Variants in MAP2K7 observed in about 807,000 individuals in gnomAD.
MAP2K7 encodes the protein mitogen-activated protein kinase kinase 7, also known as dual specificity mitogen-activated protein kinase kinase 7.
A neutral mutation model predicts 47.7 loss-of-function variants in MAP2K7; 12 were observed. That is an observed-to-expected ratio of 0.25 (90% CI 0.16 to 0.41). The LOEUF (loss-of-function observed/expected upper bound fraction) is 0.41. MAP2K7 is among the 10% of genes least tolerant of loss of function. MAP2K7 has a pLI of 1.00. For missense variants in MAP2K7, 415 were observed against 600.3 expected, an observed-to-expected ratio of 0.69 and a Z score of 3.23; for synonymous variants, 299 against 243.0, an observed-to-expected ratio of 1.23 and a Z score of -2.14.
chr19:7,907,750 G>A (rs574952250), intron 1 of MAP2K7, among the ~76,000 whole-genome samples: 10 of 152,302 alleles, frequency 6.6e-5, no homozygotes, highest in African/African-American at 1.4e-4. Context: ...AGGACTCCTC[G>A]AGGGCTGTGG....
intron 1 of MAP2K7, among the ~76,000 whole-genome samples, chr19:7,905,462 A>T (rs1982385198): frequency 6.6e-6 from 1 of 152,070 alleles, no homozygotes; most frequent in Non-Finnish European, 1.5e-5. Flanking sequence ...CAGCCAAGAC[A>T]CGGGTCCCTG....
rs1982796590 is a variant in MAP2K7, at chr19:7,910,859, A to G, written c.675+56A>G. 3 of 1,570,038 alleles carry G rather than the reference A, an allele frequency of 1.9e-6. No homozygotes were observed. In the South Asian group the frequency reaches 3.5e-5, roughly 18 times the overall value. On this transcript the variant is annotated intron_variant, in intron 6 of 10. Transcript: ENST00000397979. ...AGGATGACAGAGGCGGTGAGTGACC[A>G]GGCGGGGCGTGCACTGGGCAAGATG... is the stretch of plus-strand genomic sequence containing the variant.
intron 1 of MAP2K7, chr19:7,905,821 T>G: frequency 6.2e-7 from 1 of 1,607,658 alleles, no homozygotes. Context: ...TTGTGATCAC[T>G]CTAAGCCCTG....
chr19:7,905,684 C>G, intron 1 of MAP2K7: 1 of 819,724 alleles, frequency 1.2e-6, no homozygotes, highest in Non-Finnish European at 2.1e-6. Flanking sequence ...TCCTAGCCAT[C>G]TCTGCAGTTC....
rs781078280 is a variant in MAP2K7, at chr19:7,910,185, C to T, written c.333+56C>T. 7.5e-6 allele frequency: 12 copies of T among 1,596,096 alleles called. No homozygotes were observed. The South Asian group carries it at 1.2e-4, about 16-fold the overall frequency. On this transcript the variant is annotated intron_variant, in intron 3 of 10. Coordinates refer to ENST00000397979, the MANE Select transcript of MAP2K7 (RefSeq NM_145185.4). ...GGAGGCCCAGCCAGGCTGGACCCAT[C>T]CTGGGAGCGCCAGTGGGGGGCAGGG...
In MAP2K7 at chr19:7,912,159, G is replaced by A; in HGVS notation, c.1090G>A (p.Asp364Asn). ...QSFVKDCLTK[D>N]HRKRPKYNKL... ...CTTCTCTTGCTCTAGCCTTACTAAA[G>A]ATCACAGGAAGAGACCAAAGTATAA... Residue 364 changes from aspartate (D) to asparagine (N), a missense_variant, in exon 10 of 11, where the codon GAT becomes AAT. This residue lies in a region of MAP2K7 where 94 missense variants were observed against 105.2 expected (regional missense o/e 0.89). Transcript: ENST00000397979. 1 of 1,614,000 alleles carries A rather than the reference G, an allele frequency of 6.2e-7. No individual in the cohort carries two copies. The highest frequency in any genetic ancestry group is 8.5e-7 in the Non-Finnish European group (1 of 1,179,930).
chr19:7,904,101 G>A, intron 1 of MAP2K7, 33 bp downstream of exon 1: 6 of 1,201,212 alleles, frequency 5.0e-6, no homozygotes, highest in South Asian at 3.4e-5. Flanking sequence ...GGGGGCGGGC[G>A]GGCGGGGCGG....
At position 7,910,983 on chromosome 19, in the gene MAP2K7, G is replaced by A. The variant is rs1421560106; in HGVS notation, c.679G>A (p.Val227Met). 1 of 1,607,726 alleles carries A rather than the reference G, an allele frequency of 6.2e-7. No individual in the cohort carries two copies. Among genetic ancestry groups the A allele is most frequent in the Non-Finnish European group, 8.5e-7 (1 of 1,175,770 alleles). Residue 227 changes from valine to methionine, a missense_variant, in exon 7 of 11, where the codon GTG (valine) becomes ATG (methionine). Physicochemically the swap from Val to Met is conservative, Grantham distance 21 (BLOSUM62 1). Transcript: ENST00000397979. ...ACCCCCCTCTGCGTGCCTGCAGATT[G>A]TGAAGGCGCTGTACTACCTGAAGGA... The part of the protein sequence containing the change: ...RILGKMTVAI[V>M]KALYYLKEKH...
At chr19:7,911,612 C>A in intron 9 of MAP2K7, 34 bp downstream of exon 9, 1 of 1,549,662 alleles carries the variant, frequency 6.5e-7, no homozygotes, top group Non-Finnish European at 8.7e-7. Context: ...AGGTCAGGGA[C>A]AGCCCGCTGC....
chr19:7,908,348 G>A (rs1452146391), intron 1 of MAP2K7, among the ~76,000 whole-genome samples: 2 of 152,134 alleles, frequency 1.3e-5, no homozygotes, highest in Non-Finnish European at 2.9e-5. Flanking sequence ...GAGCTAGGGG[G>A]CACAGCTCCT....
At chr19:7,911,391 G>A (rs770754502) in intron 8 of MAP2K7, 45 bp from the exon 9 acceptor site, 11 of 1,613,404 alleles carry the variant, frequency 6.8e-6, no homozygotes, top group Non-Finnish European at 9.3e-6. Context: ...GGACTCGGAG[G>A]GAGGAGAACA....
rs759094469 is a variant in MAP2K7 at position 7,903,925 on chromosome 19, C to CGGCGGT, written c.-14_-9dup. ...TGACGGGCGGCCGGGCGGTGCGCGG[C>CGGCGGT]GGCGGTGGCGGCGGGGAAGATGGCG... On this transcript the variant is annotated 5_prime_UTR_variant, in exon 1 of 11. Coordinates refer to ENST00000397979, the MANE Select transcript of MAP2K7 (RefSeq NM_145185.4). The CGGCGGT allele has an allele frequency of 9.8e-5, 147 of 1,500,890 alleles. No individual in the cohort carries two copies. In the African/African-American group the frequency reaches 1.8e-3, roughly 18 times the overall value. 93.0% of individuals were successfully genotyped at this position (1,500,890 alleles called of 1,614,324 possible).
Position 7,910,982 on chromosome 19 carries a change from T to G in MAP2K7, c.678T>G (p.Ile226Met). 1 of 1,606,320 alleles carries G rather than the reference T, an allele frequency of 6.2e-7. No individual in the cohort carries two copies. The highest frequency in any genetic ancestry group is 8.5e-7 in the Non-Finnish European group (1 of 1,174,650). The change falls in exon 7 of 11, where the codon ATT becomes ATG. Residue 226 changes from isoleucine to methionine, a missense_variant and splice_region_variant. By Grantham distance (10) the Ile-to-Met change is conservative. This residue lies in a region of MAP2K7 where 206 missense variants were observed against 368.8 expected (regional missense o/e 0.56). Coordinates refer to ENST00000397979, the MANE Select transcript of MAP2K7 (RefSeq NM_145185.4). ...CACCCCCCTCTGCGTGCCTGCAGAT[T>G]GTGAAGGCGCTGTACTACCTGAAGG... ...ERILGKMTVA[I>M]VKALYYLKEK...
chr19:7,910,821 G>C lies in MAP2K7; in HGVS notation c.675+18G>C. ...CAGTGGCGGTGAGTGACCAGGCGGGGCTTGCACTGGGCAGGATGACAGAGG... is the reference window on the plus strand; with the variant it reads ...CAGTGGCGGTGAGTGACCAGGCGGGCCTTGCACTGGGCAGGATGACAGAGG... On this transcript the variant is annotated intron_variant, in intron 6 of 10. Transcript: ENST00000397979. 6.3e-7 allele frequency: 1 copy of C among 1,582,444 alleles called. No individual in the cohort carries two copies. The highest frequency in any genetic ancestry group is 8.6e-7 in the Non-Finnish European group (1 of 1,159,410).
At chr19:7,911,655 G>A (rs1982881464) in intron 9 of MAP2K7, 77 bp downstream of exon 9, 3 of 1,412,854 alleles carry the variant, frequency 2.1e-6, no homozygotes, top group South Asian at 1.3e-5. Flanking sequence ...GGCAGGAGGG[G>A]AATGGAGGCC....
chr19:7,905,700 C>T, intron 1 of MAP2K7: 2 of 972,722 alleles, frequency 2.1e-6, no homozygotes, highest in Non-Finnish European at 1.7e-6. Context: ...AGTTCGGTGC[C>T]TCCCCCTCCT....
chr19:7,912,230 C>G (rs746029737), intron 10 of MAP2K7, 36 bp downstream of exon 10: 5 of 1,613,554 alleles, frequency 3.1e-6, no homozygotes, highest in Non-Finnish European at 4.2e-6. Context: ...CCGTCCTGTC[C>G]CTGCGGAGGC....
chr19:7,904,691 C>T (rs985602169), intron 1 of MAP2K7: 1 of 162,022 alleles, frequency 6.2e-6, no homozygotes, highest in Admixed American at 6.5e-5. Context: ...TGGCATTGGG[C>T]TCAGCAGACC....
chr19:7,910,677 G>T lies in MAP2K7; in HGVS notation c.568-19G>T, dbSNP rs777399503. The T allele has an allele frequency of 6.2e-7, 1 of 1,606,630 alleles. No individual in the cohort carries two copies. The highest frequency in any genetic ancestry group is 1.3e-5 in the African/African-American group (1 of 74,744). The stretch of plus-strand genomic sequence containing the variant: ...TGGGCCGGAAGACACAGCTCCCCCG[G>T]GTGCCCCTCTCCCTGCAGACGGACG... On this transcript the variant is annotated intron_variant, in intron 5 of 10. Transcript: ENST00000397979.
Sources: gnomAD v4.1 joint callset for allele counts (sites outside exome capture counted in the v4.1 genomes callset) on GRCh38, gnomAD v4.1.1 for gene constraint, gnomAD v4.1.1 regional missense constraint, MANE v1.5 for transcripts, NCBI Gene and HGNC (gene_info 2026-07-23, HGNC 2026-07-21) for gene names.